Variants in EML4 observed in about 807,000 individuals in gnomAD.
The protein encoded by EML4 is EMAP like 4, also known as echinoderm microtubule-associated protein-like 4.
A neutral mutation model predicts 129.0 loss-of-function variants in EML4; 72 were observed. The observed-to-expected ratio is 0.56, with a 90% confidence interval of 0.46 to 0.68. EML4 has a LOEUF of 0.68. Ranked by LOEUF, EML4 falls within the 30% of genes least tolerant of loss-of-function variation. EML4 has a pLI of 0.00. For missense variants in EML4, 1,363 were observed against 1,190.6 expected, an observed-to-expected ratio of 1.14 and a Z score of -2.13; for synonymous variants, 532 against 405.0, an observed-to-expected ratio of 1.31 and a Z score of -3.77.
intron 1 of EML4, among the ~76,000 whole-genome samples, chr2:42,201,242 T>C (rs906616540): frequency 6.6e-6 from 1 of 152,226 alleles, no homozygotes. Context: ...TCACTCTGTA[T>C]CAGAATCTGT....
intron 1 of EML4, among the ~76,000 whole-genome samples, chr2:42,211,322 TGAATA>T (rs2104023448): frequency 6.6e-6 from 1 of 152,266 alleles, no homozygotes; most frequent in African/African-American, 2.4e-5. Context: ...GGTTCTGTGT[TGAATA>T]GAATAAAAGG....
intron 1 of EML4, among the ~76,000 whole-genome samples, chr2:42,180,743 A>T (rs1021309002): frequency 6.6e-6 from 1 of 152,264 alleles, no homozygotes; most frequent in Non-Finnish European, 1.5e-5. Context: ...ATGTTGATAC[A>T]TTACTAATTC....
chr2:42,194,232 A>C (rs1273321276), intron 1 of EML4, among the ~76,000 whole-genome samples: 1 of 152,040 alleles, frequency 6.6e-6, no homozygotes, highest in East Asian at 1.9e-4. Context: ...TTTAAATAAG[A>C]TTAGGCAAAG....
At chr2:42,259,228 C>G (rs867020457) in intron 3 of EML4, among the ~76,000 whole-genome samples, 7 of 149,850 alleles carry the variant, frequency 4.7e-5, no homozygotes, top group South Asian at 2.1e-4. Flanking sequence ...GCCTAGATGA[C>G]AGAGCAAGAC....
At chr2:42,317,790 C>T (rs1056160095) in intron 19 of EML4, among the ~76,000 whole-genome samples, 2 of 152,050 alleles carry the variant, frequency 1.3e-5, no homozygotes, top group Non-Finnish European at 2.9e-5. Context: ...CCATAGGAAA[C>T]CTTTAGAATA....
intron 1 of EML4, among the ~76,000 whole-genome samples, chr2:42,192,029 C>T (rs1671614227): frequency 6.6e-6 from 1 of 151,338 alleles, no homozygotes; most frequent in Non-Finnish European, 1.5e-5. Flanking sequence ...ATTCCAGCTA[C>T]TCGGGAGGCT....
chr2:42,176,643 C>T (rs1167567443), intron 1 of EML4, among the ~76,000 whole-genome samples: 1 of 152,284 alleles, frequency 6.6e-6, no homozygotes, highest in East Asian at 1.9e-4. Flanking sequence ...TCATTCCCAG[C>T]CCAAAGTATT....
At chr2:42,323,645 A>C (rs2103819557) in intron 19 of EML4, among the ~76,000 whole-genome samples, 1 of 152,262 alleles carries the variant, frequency 6.6e-6, no homozygotes, top group Non-Finnish European at 1.5e-5. Flanking sequence ...AACTTACAAA[A>C]TAAAATCCTG....
At chr2:42,188,009 A>G (rs547279392) in intron 1 of EML4, among the ~76,000 whole-genome samples, 22 of 152,210 alleles carry the variant, frequency 1.4e-4, no homozygotes, top group African/African-American at 2.6e-4. Flanking sequence ...TAATTTTTGT[A>G]TAGGGTACAA....
intron 10 of EML4, 88 bp from the exon 11 acceptor site, chr2:42,288,139 T>C (rs889112471): frequency 1.7e-6 from 1 of 573,292 alleles, no homozygotes; most frequent in African/African-American, 1.9e-5. Flanking sequence ...TATCTTACTA[T>C]TTGCAGTTTT....
At chr2:42,180,032 A>C (rs951704217) in intron 1 of EML4, among the ~76,000 whole-genome samples, 13 of 152,228 alleles carry the variant, frequency 8.5e-5, no homozygotes, top group African/African-American at 1.4e-4. Flanking sequence ...GGTGAAAGCT[A>C]TGTGGATATT....
At chr2:42,185,181 C>G (rs2103865240) in intron 1 of EML4, among the ~76,000 whole-genome samples, 1 of 152,198 alleles carries the variant, frequency 6.6e-6, no homozygotes, top group African/African-American at 2.4e-5. Flanking sequence ...GGTTGACAGA[C>G]TACCACCTTC....
intron 2 of EML4, among the ~76,000 whole-genome samples, chr2:42,254,855 A>C (rs1194982121): frequency 6.6e-6 from 1 of 152,204 alleles, no homozygotes; most frequent in East Asian, 1.9e-4. Flanking sequence ...TGGCAGCACT[A>C]TTCCCATTAG....
At chr2:42,313,870 G>C (rs1026521257) in intron 17 of EML4, among the ~76,000 whole-genome samples, 9 of 151,826 alleles carry the variant, frequency 5.9e-5, no homozygotes, top group African/African-American at 2.2e-4. Context: ...GGAGGTTGCA[G>C]TGAGCCGAGA....
At position 42,282,833 on chromosome 2, in the gene EML4, C is replaced by A. The variant is rs1056241625; in HGVS notation, c.802C>A (p.Arg268=). Reference sequence around the variant, plus strand: ...TCTTTTTCTGTTAAGATATGGTTATCGAGGAAAGGACTGTAGAGCTAATGT... The same window carrying A: ...TCTTTTTCTGTTAAGATATGGTTATAGAGGAAAGGACTGTAGAGCTAATGT... The part of the protein sequence containing the change: ...KLKLEWAYGY[R]GKDCRANVYL... Residue 268 remains arginine, a synonymous_variant, in exon 8 of 23, where the codon CGA becomes AGA. Transcript: ENST00000318522. 16 of 1,611,068 alleles carry A rather than the reference C, an allele frequency of 9.9e-6. No individual in the cohort carries two copies. In the South Asian group the frequency reaches 1.8e-4, roughly 18 times the overall value.
At chr2:42,329,094 T>G in intron 22 of EML4, 78 bp downstream of exon 22, 1 of 1,437,218 alleles carries the variant, frequency 7.0e-7, no homozygotes, top group Non-Finnish European at 9.5e-7. Context: ...CAAGAAAATA[T>G]AGGTTACTGA....
At chr2:42,190,182 T>C (rs1671503631) in intron 1 of EML4, among the ~76,000 whole-genome samples, 1 of 152,198 alleles carries the variant, frequency 6.6e-6, no homozygotes, top group African/African-American at 2.4e-5. Flanking sequence ...TTAGACTATT[T>C]GAGTGTGTAT....
chr2:42,233,497 C>T (rs915567172), intron 1 of EML4, among the ~76,000 whole-genome samples: 21 of 151,122 alleles, frequency 1.4e-4, no homozygotes, highest in African/African-American at 4.6e-4. Context: ...TTAGTAGAGA[C>T]GGGGTTTCAC....
At chr2:42,278,767 C>T (rs1666806525) in intron 6 of EML4, among the ~76,000 whole-genome samples, 1 of 151,566 alleles carries the variant, frequency 6.6e-6, no homozygotes, top group Non-Finnish European at 1.5e-5. Context: ...AACCCCATCT[C>T]TACTAAAAAT....
Sources: gnomAD v4.1 joint callset for allele counts (sites outside exome capture counted in the v4.1 genomes callset) on GRCh38, gnomAD v4.1.1 for gene constraint, MANE v1.5 for transcripts, NCBI Gene and HGNC (gene_info 2026-07-23, HGNC 2026-07-21) for gene names.